CLN6: variants seen among roughly 807,000 people sequenced by gnomAD.
CLN6 encodes the protein CLN6 transmembrane ER protein.
CLN6 carries 22 observed loss-of-function variants against 33.3 expected under a neutral mutation model. The ratio of observed to expected loss-of-function variants is 0.66; its 90% CI spans 0.47 to 0.94. The LOEUF is 0.94. Among genes scored for constraint, CLN6 ranks in the 40% least tolerant of loss-of-function variants. CLN6 has a pLI of 0.00. For synonymous variants in CLN6, 201 were observed against 174.6 expected (o/e 1.15, Z -1.19); for missense variants, 387 against 417.1 (o/e 0.93, Z 0.63).
intron 1 of CLN6, among the ~76,000 whole-genome samples, chr15:68,251,144 C>T (rs950638725): frequency 5.3e-5 from 8 of 152,068 alleles, no homozygotes; most frequent in African/African-American, 1.9e-4. Flanking sequence ...TATACTCTAA[C>T]ATCAAATCCA....
rs911762608 is a variant in CLN6, at chr15:68,208,061, C to G, written c.*79G>C. ...TCGGTCTCTGGTTACACACCCACAC[C>G]CCCCCTACTCCTGTATTCAGATGCC... On this transcript the variant is annotated 3_prime_UTR_variant, in exon 7 of 7. Coordinates refer to ENST00000249806, the MANE Select transcript of CLN6 (RefSeq NM_017882.3). This position sits in a 1 kb window ranked among gnomAD's most constrained non-coding sequence, Gnocchi z 5.8. The G allele has an allele frequency of 2.7e-6, 4 of 1,481,584 alleles. No individual in the cohort carries two copies. In the East Asian group the frequency reaches 7.4e-5, roughly 27 times the overall value. The allele number at this position is 1,481,584 out of a possible 1,614,324, so 91.8% of individuals were successfully genotyped here.
intron 3 of CLN6, chr15:68,213,830 T>G: frequency 5.4e-6 from 1 of 184,884 alleles, no homozygotes; most frequent in Non-Finnish European, 1.1e-5. Context: ...GTGCTCCCAG[T>G]GACATCTCAG....
rs150746319 is a variant in CLN6 at position 68,216,097 on chromosome 15, T to C, written c.199-1709A>G. Among the ~76,000 whole-genome samples the C allele has an allele frequency of 3.3e-3, 501 of 152,338 alleles. 7 individuals are homozygous for C. The highest frequency in any genetic ancestry group is 0.011 in the African/African-American group (473 of 41,572). On this transcript the variant is annotated intron_variant, in intron 2 of 6. Transcript: ENST00000249806. ...CACCAAGTCCTACTTAGGGTTACAG[T>C]GGTCACAGCAGCTCTAAGCAGGATG...
At position 68,211,298 on chromosome 15, in the gene CLN6, G is replaced by C. The variant is rs1273285939; in HGVS notation, c.507C>G (p.Leu169=). The C allele has an allele frequency of 1.2e-6, 2 of 1,614,016 alleles. No homozygotes were observed. Among genetic ancestry groups the C allele is most frequent in the East Asian group, 4.5e-5 (2 of 44,870 alleles). The change falls in exon 5 of 7, where the codon CTC becomes CTG. Residue 169 remains leucine (L), a synonymous_variant. Transcript: ENST00000249806. The surrounding 1 kb of genome is among the most constrained non-coding windows in gnomAD (Gnocchi z 5.9). The part of the protein sequence containing the change: ...PETLIDSFEL[L]YYYDEYLGHC... ...GACCCAGGTACTCATCATAATAGTAGAGCAGCTCAAAGGAGTCGATCTGAG... is the reference window on the plus strand; with the variant it reads ...GACCCAGGTACTCATCATAATAGTACAGCAGCTCAAAGGAGTCGATCTGAG...
upstream of CLN6, among the ~76,000 whole-genome samples, chr15:68,234,361 G>A (rs1473009515): frequency 1.3e-5 from 2 of 152,188 alleles, no homozygotes; most frequent in Non-Finnish European, 2.9e-5. This position sits in a 1 kb window ranked among gnomAD's most constrained non-coding sequence, Gnocchi z 4.1. Flanking sequence ...TGGATGGCTT[G>A]AGCCAGTGCC....
chr15:68,226,469 T>G (rs1263118910), intron 1 of CLN6, among the ~76,000 whole-genome samples: 4 of 151,970 alleles, frequency 2.6e-5, no homozygotes, highest in Non-Finnish European at 4.4e-5. Context: ...ATCCTATCCC[T>G]TTTTTTTCTT....
chr15:68,254,603 C>G, intron 1 of CLN6: 1 of 602,336 alleles, frequency 1.7e-6, no homozygotes, highest in South Asian at 1.9e-5. Flanking sequence ...CTCCCAGCGC[C>G]TATGTCCCGC....
At chr15:68,229,084 G>A (rs1460951797) in intron 1 of CLN6, among the ~76,000 whole-genome samples, 1 of 152,208 alleles carries the variant, frequency 6.6e-6, no homozygotes, top group Non-Finnish European at 1.5e-5. Context: ...GGGACCCCGA[G>A]AACGCGGAGG....
intron 1 of CLN6, among the ~76,000 whole-genome samples, 182 bp downstream of exon 1, chr15:68,229,320 A>C (rs1054627570): frequency 2.8e-4 from 43 of 152,252 alleles, no homozygotes; most frequent in African/African-American, 1.0e-3. Context: ...CCAGACAGAG[A>C]AGGAAACGCG....
In CLN6 at chr15:68,214,336, T is replaced by C. The variant is rs767741029; in HGVS notation, c.251A>G (p.Tyr84Cys). Residue 84 changes from tyrosine (Y) to cysteine (C), a missense_variant, in exon 3 of 7, where the codon TAC becomes TGC. By Grantham distance (194) the Tyr-to-Cys change is radical. Coordinates refer to ENST00000249806, the MANE Select transcript of CLN6 (RefSeq NM_017882.3). The stretch of plus-strand genomic sequence containing the variant: ...GATGACGTTGTAGGCCATGTGGAAG[T>C]AGTCCCCAACACTGGGCTTGTTGAG... ...FPLNKPSVGD[Y>C]FHMAYNVITP... 9 of 1,613,958 alleles carry C rather than the reference T, an allele frequency of 5.6e-6. No individual in the cohort carries two copies. Among genetic ancestry groups the C allele is most frequent in the East Asian group, 2.2e-5 (1 of 44,890 alleles).
chr15:68,218,749 A>G (rs2093227541), intron 1 of CLN6, 99 bp from the exon 2 acceptor site: 2 of 819,452 alleles, frequency 2.4e-6, no homozygotes, highest in Non-Finnish European at 4.1e-6. Flanking sequence ...ACTTGAGGAC[A>G]GGAGGAGACA....
Position 68,214,356 on chromosome 15 carries a change from G to T in CLN6, c.231C>A (p.Asn77Lys), listed in dbSNP as rs154774641. 5.0e-6 allele frequency: 8 copies of T among 1,614,064 alleles called. No homozygotes were observed. The highest frequency in any genetic ancestry group is 6.8e-6 in the Non-Finnish European group (8 of 1,179,884). ...LVFPLEWFPL[N>K]KPSVGDYFHM... Reference sequence around the variant, plus strand: ...GGAAGTAGTCCCCAACACTGGGCTTGTTGAGTGGAAACCACTCGAGAGGGA... The same window carrying T: ...GGAAGTAGTCCCCAACACTGGGCTTTTTGAGTGGAAACCACTCGAGAGGGA... The change falls in exon 3 of 7, where the codon AAC becomes AAA. Residue 77 changes from asparagine to lysine, a missense_variant. Coordinates refer to ENST00000249806, the MANE Select transcript of CLN6 (RefSeq NM_017882.3).
rs1012828864 is a variant in CLN6, at chr15:68,237,012, C to T, written c.180-18362G>A. Reference sequence around the variant, plus strand: ...CTCTACTAAAAATACAAAAAATTAGCCGGGCGCGGTGGCGGGCGCCTGTAG... The same window carrying T: ...CTCTACTAAAAATACAAAAAATTAGTCGGGCGCGGTGGCGGGCGCCTGTAG... On this transcript the variant is annotated intron_variant, in intron 1 of 6. Transcript: ENST00000538696. Among the ~76,000 whole-genome samples the T allele has an allele frequency of 1.9e-4, 28 of 150,886 alleles. 1 individual carries two copies. The highest frequency in any genetic ancestry group is 5.8e-4 in the African/African-American group (24 of 41,052).
At position 68,255,034 on chromosome 15, in the gene CLN6, A is replaced by G. The variant is rs1892419826; in HGVS notation, c.179+1656T>C. 9.7e-5 allele frequency: 63 copies of G among 646,260 alleles called. 2 individuals are homozygous for G. The South Asian group carries it at 1.1e-3, about 11-fold the overall frequency. 40.0% of individuals were successfully genotyped at this position (646,260 alleles called of 1,614,324 possible). On this transcript the variant is annotated intron_variant, in intron 1 of 6. Transcript: ENST00000538696. ...TTTAAGCTATGTTGTTAGCACACAG[A>G]ACACTTCACTGTGTTTTTTGGGAAA...
rs1351599358 is a variant in CLN6 at position 68,256,659 on chromosome 15, A to G, written c.179+31T>C. ...TTCAGAAGGGCTTCGCCCTTGGTTT[A>G]ATGCGCTGCTCTCATTGCCTTGAAA... is the stretch of plus-strand genomic sequence containing the variant. On this transcript the variant is annotated intron_variant, in intron 1 of 6. Transcript: ENST00000538696. This position sits in a 1 kb window ranked among gnomAD's most constrained non-coding sequence, Gnocchi z 4.1. The G allele has an allele frequency of 1.6e-6, 1 of 615,896 alleles. No homozygotes were observed. The highest frequency in any genetic ancestry group is 2.8e-5 in the East Asian group (1 of 36,250). The allele number at this position is 615,896 out of a possible 1,614,324, so 38.2% of individuals were successfully genotyped here.
At chr15:68,224,457 A>T (rs2093246431) in intron 1 of CLN6, among the ~76,000 whole-genome samples, 1 of 151,530 alleles carries the variant, frequency 6.6e-6, no homozygotes, top group Admixed American at 6.6e-5. Context: ...CTCCGTCTCT[A>T]CTAAAAATAC....
chr15:68,237,924 A>G (rs969785595), intron 1 of CLN6, among the ~76,000 whole-genome samples: 2 of 152,010 alleles, frequency 1.3e-5, no homozygotes, highest in Non-Finnish European at 2.9e-5. Flanking sequence ...GGAGTTCGAG[A>G]CCAGCCTGGC....
chr15:68,209,572 C>G lies in CLN6; in HGVS notation c.665+65G>C, dbSNP rs1595817085. 6.2e-7 allele frequency: 1 copy of G among 1,602,520 alleles called. No individual in the cohort carries two copies. The highest frequency in any genetic ancestry group is 1.3e-5 in the African/African-American group (1 of 74,882). On this transcript the variant is annotated intron_variant, in intron 6 of 6. Coordinates refer to ENST00000249806, the MANE Select transcript of CLN6 (RefSeq NM_017882.3). The surrounding 1 kb of genome is among the most constrained non-coding windows in gnomAD (Gnocchi z 4.9). ...CACACAGCAGGTCCATTGGCAAGTG[C>G]AGAATTTTGCTGCCGTGGCTCTCTC...
intron 1 of CLN6, among the ~76,000 whole-genome samples, chr15:68,255,378 C>T (rs1350818310): frequency 4.0e-5 from 6 of 148,496 alleles, no homozygotes; most frequent in Non-Finnish European, 7.4e-5. Flanking sequence ...GAGATGGAAC[C>T]CCTCAAAAAA....
Sources: gnomAD v4.1 joint callset for allele counts (sites outside exome capture counted in the v4.1 genomes callset) on GRCh38, gnomAD v4.1.1 for gene constraint, Gnocchi (gnomAD v3.1) non-coding constraint, MANE v1.5 for transcripts, NCBI Gene and HGNC (gene_info 2026-07-23, HGNC 2026-07-21) for gene names.